The following SLC38A8 variants were observed in gnomAD, a reference collection of about 807,000 sequenced individuals.
The protein encoded by SLC38A8 is solute carrier family 38 member 8, also known as amino acid transporter SLC38A8.
SLC38A8 carries 65 observed loss-of-function variants against 46.0 expected under a neutral mutation model. The observed-to-expected ratio is 1.41, with a 90% confidence interval of 1.16 to 1.74. SLC38A8 has a LOEUF of 1.74. Ranked by LOEUF, SLC38A8 falls within the 40% of genes most tolerant of loss-of-function variation. The probability of loss-of-function intolerance (pLI) is 0.00; values close to 1 mark genes in which losing one functional copy is unlikely to be tolerated. For missense variants in SLC38A8, 998 were observed against 567.9 expected, an observed-to-expected ratio of 1.76 and a Z score of -7.70; for synonymous variants, 447 against 243.7, an observed-to-expected ratio of 1.83 and a Z score of -7.77.
At chr16:84,034,144 C>T (rs2085276694) in intron 3 of SLC38A8, among the ~76,000 whole-genome samples, 1 of 152,232 alleles carries the variant, frequency 6.6e-6, no homozygotes, top group Non-Finnish European at 1.5e-5. Context: ...CTGGGAGTCT[C>T]TCCACATGGG....
chr16:84,033,052 T>C (rs193159155), intron 4 of SLC38A8, among the ~76,000 whole-genome samples: 1 of 151,608 alleles, frequency 6.6e-6, no homozygotes, highest in South Asian at 2.1e-4. Context: ...GTGTGTGTTG[T>C]GGGGAGGCGT....
intron 7 of SLC38A8, among the ~76,000 whole-genome samples, chr16:84,022,063 C>A (rs932196931): frequency 6.6e-6 from 1 of 152,210 alleles, no homozygotes; most frequent in Non-Finnish European, 1.5e-5. Context: ...TCTTGAAGGC[C>A]CCACGTCTCA....
At chr16:84,029,452 C>T (rs779197932) in intron 6 of SLC38A8, 42 bp downstream of exon 6, 5 of 1,609,196 alleles carry the variant, frequency 3.1e-6, no homozygotes, top group African/African-American at 1.3e-5. Flanking sequence ...CACCCACAGC[C>T]TCTGCAAACG....
chr16:84,029,467 A>T (rs1033297211), intron 6 of SLC38A8, 27 bp downstream of exon 6: 1 of 1,613,032 alleles, frequency 6.2e-7, no homozygotes, highest in South Asian at 1.1e-5. Context: ...CAAACGCCAC[A>T]GGCTGCAACA....
chr16:84,015,270 C>T (rs1297205508), intron 9 of SLC38A8, among the ~76,000 whole-genome samples: 1 of 152,096 alleles, frequency 6.6e-6, no homozygotes, highest in African/African-American at 2.4e-5. Context: ...CTACAGTGTA[C>T]CCTTTTCCAC....
intron 2 of SLC38A8, among the ~76,000 whole-genome samples, chr16:84,040,782 C>A (rs1156923692): frequency 6.6e-6 from 1 of 152,224 alleles, no homozygotes; most frequent in African/African-American, 2.4e-5. Flanking sequence ...TCCCCAGAGA[C>A]ACATGACCCT....
In SLC38A8 at chr16:84,024,721, G is replaced by T. The variant is rs578114014; in HGVS notation, c.691-1832C>A. Among the ~76,000 whole-genome samples the T allele has an allele frequency of 1.1e-3, 168 of 152,200 alleles. 1 individual carries two copies. In the Middle Eastern group the frequency reaches 0.051, roughly 46 times the overall value. ...GCTCAAGCCTGGGAGGCAGAGTCTCGCTCTGTCACCCAGAATGGACTGAAG... is the reference window on the plus strand; with the variant it reads ...GCTCAAGCCTGGGAGGCAGAGTCTCTCTCTGTCACCCAGAATGGACTGAAG... On this transcript the variant is annotated intron_variant, in intron 6 of 10. Coordinates refer to ENST00000299709, the MANE Select transcript of SLC38A8 (RefSeq NM_001080442.3).
chr16:84,035,216 C>T (rs142741578), intron 3 of SLC38A8, among the ~76,000 whole-genome samples: 4 of 152,196 alleles, frequency 2.6e-5, no homozygotes, highest in Admixed American at 6.5e-5. Context: ...AAACTGCAGA[C>T]GAACTCTACT....
At chr16:84,024,665 T>C (rs765668843) in intron 6 of SLC38A8, among the ~76,000 whole-genome samples, 39 of 152,110 alleles carry the variant, frequency 2.6e-4, no homozygotes, top group Non-Finnish European at 1.3e-4. Flanking sequence ...CCTGTAATCC[T>C]AGTTACTTGG....
At chr16:84,027,390 CA>C (rs1567698320) in intron 6 of SLC38A8, among the ~76,000 whole-genome samples, 4 of 141,812 alleles carry the variant, frequency 2.8e-5, no homozygotes, top group African/African-American at 1.2e-4. Context: ...CAAACAAACA[CA>C]CACTAGAAGT....
At position 84,016,526 on chromosome 16, in the gene SLC38A8, G is replaced by A. The variant is rs2085027430; in HGVS notation, c.1155C>T (p.Ile385=). The change falls in exon 9 of 11, where the codon ATC becomes ATT. Residue 385 remains isoleucine (I), a synonymous_variant. Coordinates refer to ENST00000299709, the MANE Select transcript of SLC38A8 (RefSeq NM_001080442.3). ...GGAAAGCAGGGGCCTCACCTGGGAAGATGAAGATGAAGAAGGAACTGATGC... is the reference window on the plus strand; with the variant it reads ...GGAAAGCAGGGGCCTCACCTGGGAAAATGAAGATGAAGAAGGAACTGATGC... ...IGGISSFFIF[I]FPGLCLICAM... The A allele has an allele frequency of 1.9e-6, 3 of 1,613,800 alleles. No homozygotes were observed. The highest frequency in any genetic ancestry group is 1.7e-5 in the Admixed American group (1 of 59,984).
chr16:84,031,543 A>T (rs956857218), intron 5 of SLC38A8, among the ~76,000 whole-genome samples: 1 of 150,904 alleles, frequency 6.6e-6, no homozygotes, highest in Non-Finnish European at 1.5e-5. Flanking sequence ...GCCCCGGTAC[A>T]TGCAGCTGGA....
chr16:84,039,134 C>G (rs989876799), intron 2 of SLC38A8, among the ~76,000 whole-genome samples: 2 of 152,034 alleles, frequency 1.3e-5, no homozygotes, highest in Non-Finnish European at 2.9e-5. Context: ...GGCCATAAAC[C>G]CAAGAAGCAC....
intron 2 of SLC38A8, 126 bp from the exon 3 acceptor site, chr16:84,037,026 T>C (rs897115333): frequency 4.2e-5 from 39 of 923,534 alleles, no homozygotes; most frequent in African/African-American, 6.8e-5. Flanking sequence ...GCTGCCAACA[T>C]GGGGTTGGCA....
At position 84,031,902 on chromosome 16, in the gene SLC38A8, G is replaced by A. The variant is rs765192222; in HGVS notation, c.597C>T (p.Pro199=). 46 of 1,614,066 alleles carry A rather than the reference G, an allele frequency of 2.8e-5. No individual in the cohort carries two copies. Among genetic ancestry groups the A allele is most frequent in the Non-Finnish European group, 3.4e-5 (40 of 1,180,028 alleles). ...LVITVQYYLW[P]QGLVRESHPS... Reference sequence around the variant, plus strand: ...GATGGGACTCACGCACGAGGCCCTGGGGCCAGAGGTAGTACTGCACGGTGA... The same window carrying A: ...GATGGGACTCACGCACGAGGCCCTGAGGCCAGAGGTAGTACTGCACGGTGA... Residue 199 remains proline, a synonymous_variant, in exon 5 of 11, where the codon CCC becomes CCT. Coordinates refer to ENST00000299709, the MANE Select transcript of SLC38A8 (RefSeq NM_001080442.3).
chr16:84,031,473 C>T (rs536403292), intron 5 of SLC38A8, among the ~76,000 whole-genome samples: 78 of 152,354 alleles, frequency 5.1e-4, no homozygotes, highest in African/African-American at 1.9e-3. Flanking sequence ...ACATCCCCGC[C>T]CATGCTCTCT....
intron 4 of SLC38A8, among the ~76,000 whole-genome samples, chr16:84,032,827 A>G (rs2085258157): frequency 6.6e-6 from 1 of 152,188 alleles, no homozygotes; most frequent in Admixed American, 6.5e-5. Context: ...AGCCACAAAA[A>G]AACAACCTCT....
At position 84,013,066 on chromosome 16, in the gene SLC38A8, AG is replaced by A. The variant is rs1221996204; in HGVS notation, c.1163-15del. On this transcript the variant is annotated splice_polypyrimidine_tract_variant and intron_variant, in intron 9 of 10. Coordinates refer to ENST00000299709, the MANE Select transcript of SLC38A8 (RefSeq NM_001080442.3). Reference sequence around the variant, plus strand: ...TGAGGCACAAACCTGCAAAAAAGACAGGGTCACCCACAGTTCTTCGTTATCA... The same window carrying A: ...TGAGGCACAAACCTGCAAAAAAGACAGGTCACCCACAGTTCTTCGTTATCA... 6 of 1,614,100 alleles carry A rather than the reference AG, an allele frequency of 3.7e-6. No homozygotes were observed. Among genetic ancestry groups the A allele is most frequent in the Non-Finnish European group, 5.1e-6 (6 of 1,179,944 alleles).
In SLC38A8 at chr16:84,016,304, T is replaced by G. The variant is rs9938112; in HGVS notation, c.1162+215A>C. 0.53 allele frequency among the ~76,000 whole-genome samples: 80,076 copies of G among 152,162 alleles called. 22,510 individuals carry two copies. Among genetic ancestry groups the G allele is most frequent in the African/African-American group, 0.71 (29,626 of 41,500 alleles). The stretch of plus-strand genomic sequence containing the variant: ...ATTTGGGTGTGAACACAACCAAACC[T>G]CATCAGGAGCTAATGAGATGTTTAA... On this transcript the variant is annotated intron_variant, in intron 9 of 10. Coordinates refer to ENST00000299709, the MANE Select transcript of SLC38A8 (RefSeq NM_001080442.3).
Sources: allele counts gnomAD v4.1 joint callset (sites outside exome capture counted in the v4.1 genomes callset), GRCh38; gene constraint gnomAD v4.1.1; transcripts MANE v1.5; gene names NCBI Gene and HGNC (gene_info 2026-07-23, HGNC 2026-07-21).